The following VTI1A variants were observed in gnomAD, a reference collection of about 807,000 sequenced individuals.
The protein encoded by VTI1A is vesicle transport through interaction with t-SNAREs 1A.
In VTI1A, 22 loss-of-function variants were observed where a neutral mutation model predicts 34.9. That is an observed-to-expected ratio of 0.63 (90% confidence interval 0.45 to 0.90). The LOEUF (loss-of-function observed/expected upper bound fraction) is 0.90, where lower values mean the gene tolerates loss of function less well. Among genes scored for constraint, VTI1A ranks in the 40% least tolerant of loss-of-function variants. VTI1A has a pLI of 0.00. For synonymous variants in VTI1A, 87 were observed against 97.3 expected, an observed-to-expected ratio of 0.89 and a Z score of 0.62; for missense variants, 268 against 275.6, an observed-to-expected ratio of 0.97 and a Z score of 0.20.
chr10:112,452,439 G>T (rs7070086), intron 1 of VTI1A, among the ~76,000 whole-genome samples: 1 of 151,744 alleles, frequency 6.6e-6, no homozygotes, highest in Non-Finnish European at 1.5e-5. Flanking sequence ...GTAGTGGCAC[G>T]TGCCTCTAAT....
chr10:112,516,272 T>C (rs1849773646), intron 3 of VTI1A, among the ~76,000 whole-genome samples: 1 of 152,082 alleles, frequency 6.6e-6, no homozygotes, highest in Non-Finnish European at 1.5e-5. Context: ...AAAATGGCAA[T>C]ATCTAACTCA....
chr10:112,783,501 C>G (rs924895492), intron 7 of VTI1A, among the ~76,000 whole-genome samples: 2 of 152,086 alleles, frequency 1.3e-5, no homozygotes, highest in Non-Finnish European at 2.9e-5. Context: ...TGTAAATGTT[C>G]ACGGTGTTCA....
the VTI1A span, among the ~76,000 whole-genome samples, chr10:112,834,883 G>A: frequency 1.7e-4 from 26 of 152,236 alleles, no homozygotes; most frequent in African/African-American, 5.5e-4. Context: ...GGCAGCTTCC[G>A]GTGGGTACTC....
At chr10:112,652,726 C>CAAAAAAAAAAAAAAAAAA (rs779424975) in intron 5 of VTI1A, among the ~76,000 whole-genome samples, 1 of 106,414 alleles carries the variant, frequency 9.4e-6, no homozygotes, top group Non-Finnish European at 1.8e-5. Flanking sequence ...GACCTTGTCT[C>CAAAAAAAAAAAAAAAAAA]AAAAAAAAAA....
At chr10:112,754,805 A>G (rs1326851174) in intron 7 of VTI1A, among the ~76,000 whole-genome samples, 1 of 152,198 alleles carries the variant, frequency 6.6e-6, no homozygotes. Context: ...GCAACAAACT[A>G]GAATCGGTCT....
chr10:112,737,051 C>A (rs1285049266), intron 7 of VTI1A: 2 of 418,896 alleles, frequency 4.8e-6, no homozygotes, highest in Admixed American at 3.9e-5. Context: ...ACATAGTGGA[C>A]AATTTTTTTT....
chr10:112,484,056 T>A (rs1046526567), intron 3 of VTI1A, among the ~76,000 whole-genome samples: 37 of 152,348 alleles, frequency 2.4e-4, no homozygotes, highest in African/African-American at 8.4e-4. Context: ...TTAAAGATGA[T>A]TTGGTTCATA....
At chr10:112,610,580 T>C (rs1161871816) in intron 5 of VTI1A, among the ~76,000 whole-genome samples, 1 of 152,222 alleles carries the variant, frequency 6.6e-6, no homozygotes, top group Non-Finnish European at 1.5e-5. Context: ...TTGTTTTGCT[T>C]TGATAGCTTA....
intron 5 of VTI1A, among the ~76,000 whole-genome samples, chr10:112,547,075 T>C (rs372310439): frequency 9.2e-5 from 14 of 151,836 alleles, no homozygotes; most frequent in African/African-American, 3.4e-4. Flanking sequence ...AACCCAGGAG[T>C]TGGATACCAG....
At chr10:112,743,016 G>C (rs1017615770) in intron 7 of VTI1A, among the ~76,000 whole-genome samples, 3 of 41,696 alleles carry the variant, frequency 7.2e-5, no homozygotes, top group East Asian at 7.9e-4. Flanking sequence ...CTATTCTCGT[G>C]TGTGTGTGTG....
chr10:112,541,003 G>A (rs1850845846), intron 5 of VTI1A, among the ~76,000 whole-genome samples: 1 of 152,154 alleles, frequency 6.6e-6, no homozygotes. Flanking sequence ...GTAGAACATA[G>A]TGACTTTCTC....
intron 1 of VTI1A, among the ~76,000 whole-genome samples, 171 bp downstream of exon 1, chr10:112,447,638 G>C (rs374411639): frequency 6.6e-6 from 1 of 152,166 alleles, no homozygotes; most frequent in Non-Finnish European, 1.5e-5. Flanking sequence ...AGTCAAGTTC[G>C]GGTGTGGGGT....
chr10:112,468,131 A>G (rs1223301312), intron 3 of VTI1A, among the ~76,000 whole-genome samples: 1 of 152,180 alleles, frequency 6.6e-6, no homozygotes, highest in Non-Finnish European at 1.5e-5. Flanking sequence ...GAGAAAGCAG[A>G]GGAAAGATCT....
Position 112,538,316 on chromosome 10 carries a change from T to A in VTI1A, c.413T>A (p.Ile138Lys), listed in dbSNP as rs1279283251. 6.2e-7 allele frequency: 1 copy of A among 1,613,556 alleles called. No individual in the cohort carries two copies. Among genetic ancestry groups the A allele is most frequent in the Admixed American group, 1.7e-5 (1 of 59,990 alleles). ...CGGAGACTAGAGGCTGGATACCAAA[T>A]AGCAGTGGAAACCGGTAAGAATTCT... ...SSRRLEAGYQ[I>K]AVETEQIGQE... The change falls in exon 5 of 8, where the codon ATA (isoleucine) becomes AAA (lysine). Residue 138 changes from isoleucine to lysine, a missense_variant. Physicochemically the swap from Ile to Lys is moderately radical, Grantham distance 102. Coordinates refer to ENST00000393077, the MANE Select transcript of VTI1A (RefSeq NM_145206.4).
chr10:112,823,175 G>A (rs1052508400), downstream of VTI1A, among the ~76,000 whole-genome samples: 1 of 152,202 alleles, frequency 6.6e-6, no homozygotes, highest in Non-Finnish European at 1.5e-5. Flanking sequence ...AAGGAGCCCC[G>A]CTGAGGCTGA....
At chr10:112,793,301 T>A (rs550746800) in intron 7 of VTI1A, among the ~76,000 whole-genome samples, 232 of 152,320 alleles carry the variant, frequency 1.5e-3, no homozygotes, top group Admixed American at 4.1e-3. Context: ...AAAGGCAAAG[T>A]GTCGATGTTA....
intron 5 of VTI1A, chr10:112,548,862 A>G (rs1362231080): frequency 2.1e-6 from 3 of 1,417,208 alleles, no homozygotes; most frequent in Non-Finnish European, 1.9e-6. Context: ...TTTTACCGGA[A>G]CGGTGATCAA....
At chr10:112,732,991 G>A (rs1379399618) in intron 7 of VTI1A, among the ~76,000 whole-genome samples, 1 of 152,172 alleles carries the variant, frequency 6.6e-6, no homozygotes, top group East Asian at 1.9e-4. Flanking sequence ...AGCAAAACGT[G>A]CATAATAGCA....
At chr10:112,829,569 G>A in the VTI1A span, among the ~76,000 whole-genome samples, 14 of 152,070 alleles carry the variant, frequency 9.2e-5, no homozygotes, top group African/African-American at 2.9e-4. Flanking sequence ...TAGCCAACAC[G>A]GTGAAATCCC....
Sources: allele counts gnomAD v4.1 joint callset (sites outside exome capture counted in the v4.1 genomes callset), GRCh38; gene constraint gnomAD v4.1.1; transcripts MANE v1.5; gene names NCBI Gene and HGNC (gene_info 2026-07-23, HGNC 2026-07-21).